Variants in ARK2N observed in about 807,000 individuals in gnomAD.
The protein encoded by ARK2N is protein ARK2N.
the ARK2N span, among the ~76,000 whole-genome samples, chr18:46,198,484 C>T: frequency 1.3e-5 from 2 of 152,066 alleles, no homozygotes; most frequent in Non-Finnish European, 2.9e-5. Context: ...TTTCACCTTC[C>T]TACTTTTCAC....
the ARK2N span, among the ~76,000 whole-genome samples, chr18:46,257,857 G>A: frequency 6.6e-6 from 1 of 152,010 alleles, no homozygotes; most frequent in African/African-American, 2.4e-5. Context: ...TTAATGTTGG[G>A]TTATTCCTCA....
At chr18:46,240,013 C>G in the ARK2N span, 1 of 1,613,926 alleles carries the variant, frequency 6.2e-7, no homozygotes. Context: ...AGATGGACCT[C>G]CAGTTGTAGC....
chr18:46,176,847 C>A, the ARK2N span, among the ~76,000 whole-genome samples: 1 of 152,132 alleles, frequency 6.6e-6, no homozygotes, highest in African/African-American at 2.4e-5. Flanking sequence ...GAACTCCTGA[C>A]CTCAGGCAAT....
At chr18:46,255,546 G>A in the ARK2N span, among the ~76,000 whole-genome samples, 1 of 139,866 alleles carries the variant, frequency 7.1e-6, no homozygotes, top group Non-Finnish European at 1.5e-5. Context: ...CCACCTCCCA[G>A]GTTCAAGCAA....
At chr18:46,229,541 G>A in the ARK2N span, among the ~76,000 whole-genome samples, 1 of 151,754 alleles carries the variant, frequency 6.6e-6, no homozygotes, top group Non-Finnish European at 1.5e-5. Context: ...TAGAGACAGG[G>A]TTTCACTGTA....
chr18:46,213,934 T>G, the ARK2N span, among the ~76,000 whole-genome samples: 145 of 152,254 alleles, frequency 9.5e-4, no homozygotes, highest in African/African-American at 3.4e-3. Flanking sequence ...CAACCTCAGG[T>G]GATCCACTTG....
At chr18:46,206,045 A>C in the ARK2N span, among the ~76,000 whole-genome samples, 1 of 151,354 alleles carries the variant, frequency 6.6e-6, no homozygotes, top group African/African-American at 2.4e-5. Context: ...CTGTGTTATG[A>C]GGATTATCCA....
the ARK2N span, among the ~76,000 whole-genome samples, chr18:46,225,584 G>A: frequency 6.6e-6 from 1 of 151,966 alleles, no homozygotes; most frequent in African/African-American, 2.4e-5. Context: ...TCAGCCTCCC[G>A]AGTATCTGGG....
At chr18:46,200,130 C>T in the ARK2N span, among the ~76,000 whole-genome samples, 1 of 151,470 alleles carries the variant, frequency 6.6e-6, no homozygotes, top group Non-Finnish European at 1.5e-5. Context: ...ATTTTTAAGA[C>T]CTGGTGGTTC....
chr18:46,223,299 T>C, the ARK2N span, among the ~76,000 whole-genome samples: 1,145 of 152,250 alleles, frequency 7.5e-3, 51 homozygotes, highest in East Asian at 0.12. Flanking sequence ...AGTTTTCGTA[T>C]AAACAAAACT....
At chr18:46,177,585 C>T in the ARK2N span, among the ~76,000 whole-genome samples, 4 of 151,852 alleles carry the variant, frequency 2.6e-5, no homozygotes, top group South Asian at 2.1e-4. Context: ...CCTGCCACCA[C>T]GCCTGACTAA....
At chr18:46,234,569 T>A in the ARK2N span, among the ~76,000 whole-genome samples, 1 of 150,492 alleles carries the variant, frequency 6.6e-6, no homozygotes, top group Non-Finnish European at 1.5e-5. Context: ...TTTTTTTTCT[T>A]GAGTAGGTCT....
At chr18:46,249,755 T>C in the ARK2N span, among the ~76,000 whole-genome samples, 2 of 152,352 alleles carry the variant, frequency 1.3e-5, no homozygotes, top group East Asian at 3.9e-4. Flanking sequence ...TATTCCTTAC[T>C]CAGTACCATC....
chr18:46,253,878 C>G, the ARK2N span: 1 of 1,515,746 alleles, frequency 6.6e-7, no homozygotes, highest in African/African-American at 1.4e-5. Flanking sequence ...CTATTTTAAC[C>G]AGAAAACAAG....
chr18:46,230,969 A>G, the ARK2N span, among the ~76,000 whole-genome samples: 2 of 152,242 alleles, frequency 1.3e-5, no homozygotes, highest in Admixed American at 6.5e-5. Flanking sequence ...GTCCTAGGAC[A>G]TTAGATATCT....
At chr18:46,251,944 C>T in the ARK2N span, among the ~76,000 whole-genome samples, 1 of 152,132 alleles carries the variant, frequency 6.6e-6, no homozygotes, top group Admixed American at 6.6e-5. Flanking sequence ...GTAATCCCAG[C>T]ACTTTGGGGA....
At chr18:46,209,166 G>A in the ARK2N span, among the ~76,000 whole-genome samples, 1 of 152,038 alleles carries the variant, frequency 6.6e-6, no homozygotes, top group Admixed American at 6.6e-5. Flanking sequence ...TCCCTCTTAA[G>A]TTTGTGTTAA....
At chr18:46,230,737 T>C in the ARK2N span, among the ~76,000 whole-genome samples, 6 of 152,212 alleles carry the variant, frequency 3.9e-5, no homozygotes, top group South Asian at 1.2e-3. Flanking sequence ...ATTTAAAAAA[T>C]CGCCGAATGT....
chr18:46,234,514 A>G, the ARK2N span, among the ~76,000 whole-genome samples: 1 of 150,832 alleles, frequency 6.6e-6, no homozygotes, highest in Non-Finnish European at 1.5e-5. Context: ...GTAAATATAC[A>G]TTTTCATCTT....
Sources: gnomAD v4.1 joint callset for allele counts (sites outside exome capture counted in the v4.1 genomes callset) on GRCh38, gnomAD v4.1.1 for gene constraint, MANE v1.5 for transcripts, NCBI Gene and HGNC (gene_info 2026-07-23, HGNC 2026-07-21) for gene names.